Variants in KHDRBS2 observed in about 807,000 individuals in gnomAD.
KHDRBS2 encodes the protein KH domain-containing, RNA-binding, signal transduction-associated protein 2.
Under a neutral mutation model 44.3 loss-of-function variants are expected in KHDRBS2, and 26 were observed. The observed-to-expected ratio is 0.59, with a 90% confidence interval of 0.43 to 0.81. KHDRBS2 has a LOEUF of 0.81. Ranked by LOEUF, KHDRBS2 falls within the 40% of genes least tolerant of loss-of-function variation. The probability of loss-of-function intolerance (pLI) is 0.00; values close to 1 mark genes in which losing one functional copy is unlikely to be tolerated. For missense variants in KHDRBS2, 476 were observed against 433.1 expected (o/e 1.10, Z -0.88); for synonymous variants, 194 against 151.1 (o/e 1.28, Z -2.08).
intron 6 of KHDRBS2, among the ~76,000 whole-genome samples, chr6:61,764,929 G>A (rs1240783890): frequency 6.7e-6 from 1 of 149,560 alleles, no homozygotes; most frequent in Non-Finnish European, 1.5e-5. Context: ...GTGCATTGTT[G>A]TACTTTTTAA....
In KHDRBS2 at chr6:62,173,134, C is replaced by T. The variant is rs752189501; in HGVS notation, c.219+4051G>A. Among the ~76,000 whole-genome samples the T allele has an allele frequency of 3.3e-5, 5 of 150,682 alleles. No homozygotes were observed. In the Admixed American group the frequency reaches 3.3e-4, roughly 10 times the overall value. Reference sequence around the variant, plus strand: ...GTAACATGCAAAAAACACAAATGTTCGCGTCCAGGAGTTGGTTCGCTGAAA... The same window carrying T: ...GTAACATGCAAAAAACACAAATGTTTGCGTCCAGGAGTTGGTTCGCTGAAA... On this transcript the variant is annotated intron_variant, in intron 2 of 8. Transcript: ENST00000281156.
At chr6:61,627,909 C>A in the KHDRBS2 span, among the ~76,000 whole-genome samples, 1 of 152,058 alleles carries the variant, frequency 6.6e-6, no homozygotes, top group South Asian at 2.1e-4. Context: ...AAAACATAGC[C>A]GGTTGGTCCC....
chr6:61,944,796 A>G (rs1425447901), intron 4 of KHDRBS2, among the ~76,000 whole-genome samples: 7 of 151,930 alleles, frequency 4.6e-5, no homozygotes, highest in Non-Finnish European at 4.4e-5. Flanking sequence ...ACGTATCAGT[A>G]AAAAACATAT....
chr6:61,590,554 T>C, the KHDRBS2 span, among the ~76,000 whole-genome samples: 4 of 152,342 alleles, frequency 2.6e-5, no homozygotes, highest in East Asian at 7.7e-4. Context: ...TCTAAGAAGA[T>C]ATAAATTAAA....
intron 7 of KHDRBS2, among the ~76,000 whole-genome samples, chr6:61,702,213 G>C (rs1329872677): frequency 6.6e-6 from 1 of 151,910 alleles, no homozygotes; most frequent in Non-Finnish European, 1.5e-5. Context: ...TTACCTTTGA[G>C]TGTCTATGTG....
intron 4 of KHDRBS2, among the ~76,000 whole-genome samples, chr6:61,933,704 C>G (rs894229410): frequency 1.2e-4 from 19 of 152,212 alleles, no homozygotes; most frequent in African/African-American, 4.3e-4. Context: ...ATTTGTGTAT[C>G]TAATCAGAAA....
intron 7 of KHDRBS2, among the ~76,000 whole-genome samples, chr6:61,722,392 G>T (rs1326599074): frequency 6.6e-6 from 1 of 152,080 alleles, no homozygotes; most frequent in African/African-American, 2.4e-5. Context: ...CTGAACTTCA[G>T]GTGAACCTTT....
chr6:61,715,142 A>C (rs1403333201), intron 7 of KHDRBS2, among the ~76,000 whole-genome samples: 3 of 151,922 alleles, frequency 2.0e-5, no homozygotes, highest in Non-Finnish European at 4.4e-5. Flanking sequence ...CAAGACCTGG[A>C]GGCTGTTTTT....
At chr6:61,786,095 G>A (rs1783765909) in intron 6 of KHDRBS2, among the ~76,000 whole-genome samples, 1 of 151,878 alleles carries the variant, frequency 6.6e-6, no homozygotes, top group Non-Finnish European at 1.5e-5. Flanking sequence ...TCAGTACCAA[G>A]CACTCCTGTA....
At chr6:61,957,544 G>A (rs1363275787) in intron 4 of KHDRBS2, among the ~76,000 whole-genome samples, 6 of 152,128 alleles carry the variant, frequency 3.9e-5, no homozygotes, top group Admixed American at 1.3e-4. Context: ...GCTGTGGGAC[G>A]AAATAAGCCC....
chr6:61,902,506 AAC>A (rs34224070), intron 4 of KHDRBS2, among the ~76,000 whole-genome samples: 62 of 149,412 alleles, frequency 4.1e-4, no homozygotes, highest in South Asian at 8.5e-4. Flanking sequence ...TTTACTAATC[AAC>A]ACACACACAC....
rs1157072817 is a variant in KHDRBS2 at position 61,945,099 on chromosome 6, AAAAAAAAAAAAAAGT to A, written c.483+32952_483+32966del. Among the ~76,000 whole-genome samples the A allele has an allele frequency of 8.4e-4, 57 of 67,932 alleles. 4 individuals carry two copies. The highest frequency in any genetic ancestry group is 3.0e-3 in the African/African-American group (52 of 17,246). The allele number at this position is 67,932 out of a possible 152,430, so 44.6% of individuals were successfully genotyped here. On this transcript the variant is annotated intron_variant, in intron 4 of 8. Coordinates refer to ENST00000281156, the MANE Select transcript of KHDRBS2 (RefSeq NM_152688.4). ...GAGTGAGACTCTGTCTTAAAAAAAA[AAAAAAAAAAAAAAGT>A]ATATATATATATATATATATATATA...
chr6:61,798,609 T>C (rs1199413231), intron 6 of KHDRBS2, among the ~76,000 whole-genome samples: 2 of 152,070 alleles, frequency 1.3e-5, no homozygotes, highest in Non-Finnish European at 2.9e-5. Flanking sequence ...AATGTAAATG[T>C]TTTTCTACTT....
chr6:61,752,620 T>C (rs1777861725), intron 6 of KHDRBS2, among the ~76,000 whole-genome samples: 2 of 149,866 alleles, frequency 1.3e-5, no homozygotes, highest in East Asian at 1.9e-4. Context: ...TTGACATGTA[T>C]GTTTTGAGTC....
At chr6:61,883,531 TA>T (rs1298983273) in intron 6 of KHDRBS2, among the ~76,000 whole-genome samples, 2 of 152,030 alleles carry the variant, frequency 1.3e-5, no homozygotes, top group African/African-American at 4.8e-5. Context: ...GCATCTTTTC[TA>T]AAATGACTTA....
intron 2 of KHDRBS2, among the ~76,000 whole-genome samples, chr6:62,165,699 A>G (rs539865596): frequency 1.6e-4 from 24 of 152,040 alleles, no homozygotes; most frequent in South Asian, 4.1e-4. Context: ...TAATAAATAT[A>G]TATCACTGTC....
the KHDRBS2 span, among the ~76,000 whole-genome samples, chr6:61,566,197 G>C: frequency 6.6e-6 from 1 of 152,120 alleles, no homozygotes; most frequent in Non-Finnish European, 1.5e-5. Flanking sequence ...TTGATCTCAT[G>C]GAGGTGAGAA....
intron 6 of KHDRBS2, among the ~76,000 whole-genome samples, chr6:61,878,308 T>C (rs1400137911): frequency 2.0e-5 from 3 of 152,036 alleles, no homozygotes; most frequent in Non-Finnish European, 4.4e-5. Flanking sequence ...TTCTAGGCAA[T>C]TCTTTTTCAC....
At chr6:62,267,467 T>C (rs1839390065) in intron 1 of KHDRBS2, among the ~76,000 whole-genome samples, 1 of 151,960 alleles carries the variant, frequency 6.6e-6, no homozygotes, top group Admixed American at 6.6e-5. Context: ...GGGTCCAAAA[T>C]AAAAGTGTTC....
Sources: gnomAD v4.1 joint callset for allele counts (sites outside exome capture counted in the v4.1 genomes callset) on GRCh38, gnomAD v4.1.1 for gene constraint, MANE v1.5 for transcripts, NCBI Gene and HGNC (gene_info 2026-07-23, HGNC 2026-07-21) for gene names.